Variants in CCM2L observed in about 807,000 individuals in gnomAD.
The protein encoded by CCM2L is cerebral cavernous malformations 2 protein-like.
In CCM2L, 36 loss-of-function variants were observed where a neutral mutation model predicts 54.1. The observed-to-expected ratio is 0.67, with a 90% CI of 0.51 to 0.88. The LOEUF is 0.88. CCM2L is among the 40% of genes least tolerant of loss of function. The probability of loss-of-function intolerance (pLI) is 0.00; values close to 1 mark genes in which losing one functional copy is unlikely to be tolerated. For synonymous variants in CCM2L, 351 were observed against 359.3 expected, an observed-to-expected ratio of 0.98 and a Z score of 0.26; for missense variants, 700 against 812.1, an observed-to-expected ratio of 0.86 and a Z score of 1.68.
chr20:32,029,896 C>T, intron 9 of CCM2L, 58 bp downstream of exon 9: 2 of 1,473,124 alleles, frequency 1.4e-6, no homozygotes, highest in East Asian at 5.0e-5. Flanking sequence ...TCCATGCCAT[C>T]CCAGTCAGGC....
chr20:32,019,922 C>T (rs1014845838), intron 5 of CCM2L, among the ~76,000 whole-genome samples: 3 of 152,182 alleles, frequency 2.0e-5, no homozygotes, highest in Non-Finnish European at 4.4e-5. Flanking sequence ...AGTTCAGAGC[C>T]AGTACTCTTG....
At chr20:32,015,501 A>C (rs574944502) in intron 2 of CCM2L, among the ~76,000 whole-genome samples, 7 of 152,350 alleles carry the variant, frequency 4.6e-5, no homozygotes, top group African/African-American at 1.4e-4. Context: ...GGAGGATTAC[A>C]TAATTGTTTT....
intron 1 of CCM2L, among the ~76,000 whole-genome samples, chr20:32,012,168 A>T (rs1223987154): frequency 6.6e-6 from 1 of 152,112 alleles, no homozygotes; most frequent in Non-Finnish European, 1.5e-5. Context: ...ACATAAGCTG[A>T]GTACCCATAA....
intron 5 of CCM2L, among the ~76,000 whole-genome samples, 184 bp from the exon 6 acceptor site, chr20:32,022,476 A>G (rs1026036567): frequency 1.3e-5 from 2 of 152,236 alleles, no homozygotes; most frequent in African/African-American, 4.8e-5. Flanking sequence ...ACTGAATTCT[A>G]TAAAGGGGTT....
At chr20:32,018,875 G>T in intron 4 of CCM2L, 68 bp from the exon 5 acceptor site, 1 of 1,241,422 alleles carries the variant, frequency 8.1e-7, no homozygotes, top group Non-Finnish European at 1.0e-6. Flanking sequence ...TGGCCAGCCG[G>T]CCTCGGCGGG....
intron 9 of CCM2L, among the ~76,000 whole-genome samples, 164 bp downstream of exon 9, chr20:32,030,002 A>G (rs1239344767): frequency 6.6e-6 from 1 of 152,198 alleles, no homozygotes; most frequent in Admixed American, 6.6e-5. Flanking sequence ...AGTGCAGAGT[A>G]GGGAAAGGAC....
chr20:32,024,380 A>T (rs2064834637), intron 6 of CCM2L, among the ~76,000 whole-genome samples: 1 of 152,250 alleles, frequency 6.6e-6, no homozygotes, highest in Admixed American at 6.5e-5. Context: ...CAACAAATTC[A>T]TTCATTTAGC....
chr20:32,031,073 AG>A lies in CCM2L; in HGVS notation c.1478del (p.Gly493AlafsTer15). On this transcript the variant is annotated frameshift_variant, in exon 10 of 10. Coordinates refer to ENST00000452892, the MANE Select transcript of CCM2L (RefSeq NM_001365692.1). LOFTEE classifies it high-confidence loss of function. ...EGFLEGVGIR[E>X]GGILTDSFGR... ...TTCCTGGAGGGCGTGGGCATCCGCG[AG>A]GGCGGCATCCTCACTGACAGCTTCG... 2.3e-6 allele frequency: 3 copies of A among 1,304,206 alleles called. No individual in the cohort carries two copies. Among genetic ancestry groups the A allele is most frequent in the Non-Finnish European group, 3.0e-6 (3 of 988,938 alleles). The allele number at this position is 1,304,206 out of a possible 1,614,324, so 80.8% of individuals were successfully genotyped here. A position where few individuals can be genotyped will look rare whatever the true frequency, so the allele number is the denominator to read the frequency against.
intron 6 of CCM2L, among the ~76,000 whole-genome samples, chr20:32,024,494 G>A (rs192567044): frequency 2.8e-4 from 43 of 152,312 alleles, no homozygotes; most frequent in African/African-American, 9.9e-4. Flanking sequence ...TTACTTAGTG[G>A]AGGCAGGCTG....
intron 4 of CCM2L, among the ~76,000 whole-genome samples, chr20:32,018,689 G>A (rs989064827): frequency 6.6e-5 from 10 of 152,078 alleles, no homozygotes; most frequent in Admixed American, 1.3e-4. Flanking sequence ...GAGGCCAGGG[G>A]CGCAGGCGTC....
chr20:32,018,194 G>A, intron 4 of CCM2L, 32 bp downstream of exon 4: 1 of 227,598 alleles, frequency 4.4e-6, no homozygotes, highest in African/African-American at 5.9e-5. Flanking sequence ...GCGGGGGAGG[G>A]GCGGGGGCGG....
rs774591447 is a variant in CCM2L at position 32,022,720 on chromosome 20, C to T, written c.994C>T (p.Gln332Ter). Residue 332 changes from glutamine to a stop codon, truncating the protein, a stop_gained, in exon 6 of 10, where the codon CAG becomes TAG. Coordinates refer to ENST00000452892, the MANE Select transcript of CCM2L (RefSeq NM_001365692.1). LOFTEE classifies it high-confidence loss of function. ...CQVFQIIYGD[Q>*]SIECVDRAGY... Reference sequence around the variant, plus strand: ...GGTCTTCCAGATCATCTACGGGGACCAGAGTATTGAGTGTGTGGACCGGGC... The same window carrying T: ...GGTCTTCCAGATCATCTACGGGGACTAGAGTATTGAGTGTGTGGACCGGGC... The T allele has an allele frequency of 6.2e-7, 1 of 1,613,988 alleles. No homozygotes were observed. Among genetic ancestry groups the T allele is most frequent in the African/African-American group, 1.3e-5 (1 of 74,894 alleles).
intron 2 of CCM2L, 84 bp from the exon 3 acceptor site, chr20:32,017,716 C>A: frequency 9.8e-7 from 1 of 1,018,560 alleles, no homozygotes; most frequent in Non-Finnish European, 1.6e-6. Flanking sequence ...AATCTATCCG[C>A]ACTGCATCAA....
chr20:32,029,154 C>T, intron 8 of CCM2L, 30 bp downstream of exon 8: 44 of 1,613,952 alleles, frequency 2.7e-5, no homozygotes, highest in Non-Finnish European at 3.6e-5. Context: ...GGGAATGGCA[C>T]AAGCAAAAGC....
At chr20:32,016,982 T>C (rs1453386999) in intron 2 of CCM2L, among the ~76,000 whole-genome samples, 2 of 151,830 alleles carry the variant, frequency 1.3e-5, no homozygotes, top group Non-Finnish European at 2.9e-5. Context: ...ACCCCGTCTC[T>C]ACTAAAAATA....
rs5841095 is a variant in CCM2L at position 32,014,261 on chromosome 20, A to ATT, written c.31-628_31-627dup. Among the ~76,000 whole-genome samples the ATT allele has an allele frequency of 8.2e-3, 1,080 of 132,166 alleles. 7 individuals are homozygous for ATT. Among genetic ancestry groups the ATT allele is most frequent in the Middle Eastern group, 0.02 (5 of 246 alleles). 86.7% of individuals were successfully genotyped at this position (132,166 alleles called of 152,430 possible). A position where few individuals can be genotyped will look rare whatever the true frequency, so the allele number is the denominator to read the frequency against. On this transcript the variant is annotated intron_variant, in intron 1 of 9. Coordinates refer to ENST00000452892, the MANE Select transcript of CCM2L (RefSeq NM_001365692.1). ...TATGTGTGTACATATATATATATAT[A>ATT]TTTTTTTTTTTTTTTTGAGACAGAG... is the stretch of plus-strand genomic sequence containing the variant.
In CCM2L at chr20:32,025,848, G is replaced by T; in HGVS notation, c.1070-8G>T. ...GCCTCTGACAGTCCCTCTGTCTGCT[G>T]GTCCCAGGTGAGAGCTGCCACACAG... On this transcript the variant is annotated splice_region_variant and splice_polypyrimidine_tract_variant and intron_variant, in intron 6 of 9. Coordinates refer to ENST00000452892, the MANE Select transcript of CCM2L (RefSeq NM_001365692.1). The T allele has an allele frequency of 7.7e-7, 1 of 1,303,614 alleles. No homozygotes were observed. Among genetic ancestry groups the T allele is most frequent in the South Asian group, 1.2e-5 (1 of 81,032 alleles). The allele number at this position is 1,303,614 out of a possible 1,614,324, so 80.8% of individuals were successfully genotyped here.
At chr20:32,023,405 C>A (rs1458641069) in intron 6 of CCM2L, among the ~76,000 whole-genome samples, 1 of 152,244 alleles carries the variant, frequency 6.6e-6, no homozygotes, top group Non-Finnish European at 1.5e-5. Context: ...AACCTAAGCA[C>A]ATGTATTGTC....
At chr20:32,023,825 G>A (rs142719900) in intron 6 of CCM2L, among the ~76,000 whole-genome samples, 150 of 152,264 alleles carry the variant, frequency 9.9e-4, no homozygotes, top group East Asian at 8.9e-3. Context: ...TCTGCCTCCC[G>A]GTTCAAGTGA....
Sources: allele counts gnomAD v4.1 joint callset (sites outside exome capture counted in the v4.1 genomes callset), GRCh38; gene constraint gnomAD v4.1.1; transcripts MANE v1.5; gene names NCBI Gene and HGNC (gene_info 2026-07-23, HGNC 2026-07-21).